TOGARAM1: variants seen among roughly 807,000 people sequenced by gnomAD.
TOGARAM1 encodes TOG array regulator of axonemal microtubules protein 1.
TOGARAM1 carries 100 observed loss-of-function variants against 166.6 expected under a neutral mutation model. The ratio of observed to expected loss-of-function variants is 0.60; its 90% confidence interval spans 0.51 to 0.71. The LOEUF (loss-of-function observed/expected upper bound fraction) is 0.71. Among genes scored for constraint, TOGARAM1 ranks in the 30% least tolerant of loss-of-function variants. The probability of loss-of-function intolerance (pLI) is 0.00; values close to 1 mark genes in which losing one functional copy is unlikely to be tolerated. For missense variants in TOGARAM1, 2,029 were observed against 2,102.7 expected (o/e 0.96, Z 0.69); for synonymous variants, 758 against 763.8 (o/e 0.99, Z 0.13).
chr14:44,986,961 C>T (rs1251779435), intron 1 of TOGARAM1, among the ~76,000 whole-genome samples: 7 of 147,816 alleles, frequency 4.7e-5, no homozygotes, highest in African/African-American at 1.3e-4. Context: ...ACCGAGATTG[C>T]GCCACTGCAC....
At position 45,066,628 on chromosome 14, in the gene TOGARAM1, C is replaced by A; in HGVS notation, c.4610C>A (p.Ser1537Tyr). The stretch of plus-strand genomic sequence containing the variant: ...ACCAGAAAATCAGTCCCTCGTAATT[C>A]CTTAGAAAGTGCTGAGTACCTTAAA... ...EVTRKSVPRNSLESAEYLKLI... is the reference protein window; with the variant it reads ...EVTRKSVPRNYLESAEYLKLI... Residue 1537 changes from serine to tyrosine, a missense_variant, in exon 17 of 20, where the codon TCC becomes TAC. Around this residue, in one of 2 missense-constraint regions of TOGARAM1, gnomAD observed 576 missense variants for 670.5 expected, o/e 0.86. Transcript: ENST00000361462. The A allele has an allele frequency of 6.2e-7, 1 of 1,613,064 alleles. No individual in the cohort carries two copies. Among genetic ancestry groups the A allele is most frequent in the Non-Finnish European group, 8.5e-7 (1 of 1,179,284 alleles).
intron 7 of TOGARAM1, among the ~76,000 whole-genome samples, chr14:45,014,612 A>C (rs1261263353): frequency 6.6e-6 from 1 of 152,200 alleles, no homozygotes; most frequent in Non-Finnish European, 1.5e-5. Context: ...GCTCAGAATA[A>C]AGACTATTGG....
chr14:45,043,531 A>T (rs1008618063), intron 11 of TOGARAM1, among the ~76,000 whole-genome samples, 155 bp from the exon 12 acceptor site: 6 of 151,914 alleles, frequency 3.9e-5, no homozygotes, highest in African/African-American at 1.2e-4. Context: ...TCATGAACCA[A>T]CCTCTGCTAA....
At chr14:45,047,269 G>A (rs549481631) in intron 14 of TOGARAM1, among the ~76,000 whole-genome samples, 60 of 151,960 alleles carry the variant, frequency 3.9e-4, no homozygotes, top group African/African-American at 1.4e-3. Flanking sequence ...GCAGGCGCCT[G>A]TAATCTCAGC....
rs527726036 is a variant in TOGARAM1, at chr14:45,025,361, C to T, written c.3239-422C>T. ...CAGGCGGATCATGAGGTCAGGAGGT[C>T]GAGATCAGCCTGACCAAAATGGTGA... On this transcript the variant is annotated intron_variant, in intron 7 of 19. Coordinates refer to ENST00000361462, the MANE Select transcript of TOGARAM1 (RefSeq NM_001308120.2). 1.2e-4 allele frequency: 19 copies of T among 153,448 alleles called. No homozygotes were observed. In the South Asian group the frequency reaches 2.9e-3, roughly 23 times the overall value. 9.5% of individuals were successfully genotyped at this position (153,448 alleles called of 1,614,324 possible). A position where few individuals can be genotyped will look rare whatever the true frequency, so the allele number is the denominator to read the frequency against.
intron 16 of TOGARAM1, among the ~76,000 whole-genome samples, chr14:45,061,263 G>A (rs544770606): frequency 4.6e-5 from 7 of 152,202 alleles, no homozygotes; most frequent in Non-Finnish European, 8.8e-5. Context: ...GAGCTCCCTC[G>A]GGTTGGCTGC....
At position 45,039,508 on chromosome 14, in the gene TOGARAM1, C is replaced by A. The variant is rs1881614160; in HGVS notation, c.3813-4178C>A. Among the ~76,000 whole-genome samples the A allele has an allele frequency of 2.0e-5, 3 of 152,112 alleles. 1 individual carries two copies. The South Asian group carries it at 6.2e-4, about 32-fold the overall frequency. ...TTTGTGCTGAGGGGTGCCTGCAGGCCCACACCAAGCTGCTCTTAGCACCCT... is the reference window on the plus strand; with the variant it reads ...TTTGTGCTGAGGGGTGCCTGCAGGCACACACCAAGCTGCTCTTAGCACCCT... On this transcript the variant is annotated intron_variant, in intron 11 of 19. Transcript: ENST00000361462.
intron 18 of TOGARAM1, among the ~76,000 whole-genome samples, chr14:45,070,014 C>G (rs892920830): frequency 6.6e-6 from 1 of 152,066 alleles, no homozygotes; most frequent in African/African-American, 2.4e-5. Flanking sequence ...AACCCCGTCT[C>G]TACTAAAAAT....
At chr14:44,986,208 G>T (rs759948478) in intron 1 of TOGARAM1, among the ~76,000 whole-genome samples, 6 of 152,128 alleles carry the variant, frequency 3.9e-5, no homozygotes, top group Admixed American at 1.3e-4. Flanking sequence ...ATTCTTACAT[G>T]GTGGTAAAAT....
chr14:45,044,607 A>G (rs771542012), intron 12 of TOGARAM1, 28 bp from the exon 13 acceptor site: 1 of 1,509,128 alleles, frequency 6.6e-7, no homozygotes, highest in Non-Finnish European at 9.0e-7. Flanking sequence ...GAATATCAGC[A>G]AAATGTACAT....
intron 1 of TOGARAM1, among the ~76,000 whole-genome samples, chr14:44,985,027 T>C (rs1886718095): frequency 6.6e-6 from 1 of 151,970 alleles, no homozygotes; most frequent in African/African-American, 2.4e-5. Flanking sequence ...TCTTTTTTTT[T>C]TTCTGAGATG....
At chr14:44,969,145 C>CCTTCCTTCCTTCCTTCCTTCCTTT (rs368091743) in intron 1 of TOGARAM1, among the ~76,000 whole-genome samples, 13 of 116,310 alleles carry the variant, frequency 1.1e-4, no homozygotes, top group African/African-American at 3.9e-4. Flanking sequence ...TTCCTTCCTT[C>CCTTCCTTCCTTCCTTCCTTCCTTT]CTTTCTTTCT....
intron 3 of TOGARAM1, 32 bp downstream of exon 3, chr14:44,999,529 G>T (rs1268443904): frequency 6.5e-7 from 1 of 1,545,548 alleles, no homozygotes. Context: ...GGAAACAAAT[G>T]ACTTATAAAT....
chr14:44,987,185 C>T (rs889293685), intron 1 of TOGARAM1, among the ~76,000 whole-genome samples: 22 of 151,458 alleles, frequency 1.5e-4, no homozygotes, highest in Admixed American at 2.6e-4. Flanking sequence ...GTGATCTGCC[C>T]GCCTCGGCCT....
intron 1 of TOGARAM1, chr14:44,995,483 G>T: frequency 2.0e-6 from 1 of 493,822 alleles, no homozygotes; most frequent in Non-Finnish European, 4.0e-6. Context: ...CTTCCTTGTT[G>T]CCAGAGTCTG....
At chr14:45,051,596 G>A (rs1287425191) in intron 14 of TOGARAM1, among the ~76,000 whole-genome samples, 1 of 122,042 alleles carries the variant, frequency 8.2e-6, no homozygotes, top group African/African-American at 3.3e-5. Flanking sequence ...GTCTCACTCT[G>A]TTGCCCAGGC....
At chr14:45,035,948 G>GAAA (rs112836134) in intron 11 of TOGARAM1, among the ~76,000 whole-genome samples, 1 of 101,600 alleles carries the variant, frequency 9.8e-6, no homozygotes, top group Non-Finnish European at 2.2e-5. Flanking sequence ...CTCATCTCTA[G>GAAA]AAAAAAAAAA....
rs184269529 is a variant in TOGARAM1 at position 45,054,684 on chromosome 14, A to G, written c.4559+135A>G. The G allele has an allele frequency of 2.4e-5, 15 of 616,664 alleles. No individual in the cohort carries two copies. The Admixed American group carries it at 3.3e-4, about 14-fold the overall frequency. The allele number at this position is 616,664 out of a possible 1,614,324, so 38.2% of individuals were successfully genotyped here. A position where few individuals can be genotyped will look rare whatever the true frequency, so the allele number is the denominator to read the frequency against. ...TTTTAAAAGTTTGCTTAGGATCCAG[A>G]AAGTGTGAGGTAATTAGATTTAATA... is the stretch of plus-strand genomic sequence containing the variant. On this transcript the variant is annotated intron_variant, in intron 16 of 19. Transcript: ENST00000361462.
At chr14:45,067,215 CTATT>C (rs1292117761) in intron 17 of TOGARAM1, among the ~76,000 whole-genome samples, 1 of 152,008 alleles carries the variant, frequency 6.6e-6, no homozygotes, top group African/African-American at 2.4e-5. Flanking sequence ...AAGAGGATAG[CTATT>C]TATTAGTCTG....
Sources: gnomAD v4.1 joint callset for allele counts (sites outside exome capture counted in the v4.1 genomes callset) on GRCh38, gnomAD v4.1.1 for gene constraint, gnomAD v4.1.1 regional missense constraint, MANE v1.5 for transcripts, NCBI Gene and HGNC (gene_info 2026-07-23, HGNC 2026-07-21) for gene names.